ZFHX3: variants seen among roughly 807,000 people sequenced by gnomAD.
ZFHX3 encodes zinc finger homeobox 3.
ZFHX3 carries 42 observed loss-of-function variants against 279.1 expected under a neutral mutation model. The observed-to-expected ratio is 0.15, with a 90% CI of 0.12 to 0.19. The LOEUF is 0.19. Among genes scored for constraint, ZFHX3 ranks in the 10% least tolerant of loss-of-function variants. The pLI is 1.00. For missense variants in ZFHX3, 4,981 were observed against 4,754.0 expected (o/e 1.05, Z -1.40); for synonymous variants, 2,293 against 1,957.8 (o/e 1.17, Z -4.52).
At chr16:73,196,890 C>T (rs934087378) in intron 5 of ZFHX3, among the ~76,000 whole-genome samples, 9 of 152,040 alleles carry the variant, frequency 5.9e-5, no homozygotes, top group African/African-American at 1.9e-4. Context: ...GCAGGGAGCC[C>T]AGGACTCTTG....
intron 1 of ZFHX3, among the ~76,000 whole-genome samples, chr16:73,806,612 G>A (rs1260047296): frequency 6.6e-6 from 1 of 152,150 alleles, no homozygotes; most frequent in Non-Finnish European, 1.5e-5. Context: ...GGGGGGTCAA[G>A]TAAATCAAAT....
chr16:72,823,451 C>A lies in ZFHX3; in HGVS notation c.3529+6328G>T, dbSNP rs767612394. On this transcript the variant is annotated intron_variant, in intron 5 of 9. Coordinates refer to ENST00000268489, the MANE Select transcript of ZFHX3 (RefSeq NM_006885.4). ...GCACCCATGTGAGTCTCCAAGGACT[C>A]CTCTGTTGATGTCCTCATCACACTG... Among the ~76,000 whole-genome samples, 13 of 152,148 alleles carry A rather than the reference C, an allele frequency of 8.5e-5. No individual in the cohort carries two copies. In the East Asian group the frequency reaches 2.5e-3, roughly 29 times the overall value.
intron 1 of ZFHX3, among the ~76,000 whole-genome samples, chr16:73,784,923 C>T (rs1186665093): frequency 2.6e-5 from 4 of 151,542 alleles, no homozygotes; most frequent in Non-Finnish European, 5.9e-5. Context: ...ACACCTAATT[C>T]CTGCTTCCCA....
chr16:73,130,196 G>A (rs555592383), intron 7 of ZFHX3, among the ~76,000 whole-genome samples: 2 of 152,070 alleles, frequency 1.3e-5, no homozygotes, highest in African/African-American at 4.8e-5. Flanking sequence ...GTAAAGTTCC[G>A]AAGGTGAGCT....
intron 1 of ZFHX3, among the ~76,000 whole-genome samples, chr16:73,775,432 C>A (rs1258555598): frequency 2.0e-5 from 3 of 152,128 alleles, no homozygotes; most frequent in Non-Finnish European, 4.4e-5. Context: ...GGGTTTAAAT[C>A]TATCCTCTAT....
chr16:72,851,378 C>T (rs2037613274), intron 4 of ZFHX3, among the ~76,000 whole-genome samples: 1 of 152,198 alleles, frequency 6.6e-6, no homozygotes, highest in Non-Finnish European at 1.5e-5. Context: ...AGGGGCTCTT[C>T]ATCAGCCACT....
At chr16:73,469,029 A>G (rs1042051843) in intron 2 of ZFHX3, among the ~76,000 whole-genome samples, 1 of 152,172 alleles carries the variant, frequency 6.6e-6, no homozygotes, top group Non-Finnish European at 1.5e-5. Flanking sequence ...AGAGATAAGA[A>G]CTGGAGGCTT....
chr16:73,330,493 G>A (rs2015780622), intron 3 of ZFHX3, among the ~76,000 whole-genome samples: 1 of 152,196 alleles, frequency 6.6e-6, no homozygotes, highest in Non-Finnish European at 1.5e-5. Context: ...TGCCACATGG[G>A]GAATGCAATA....
At chr16:73,353,030 T>C (rs1196967150) in intron 3 of ZFHX3, among the ~76,000 whole-genome samples, 1 of 152,156 alleles carries the variant, frequency 6.6e-6, no homozygotes, top group Non-Finnish European at 1.5e-5. Context: ...TGTCTCTGCC[T>C]GCCCCGCCCT....
At chr16:73,103,248 C>T (rs1966253650) in intron 7 of ZFHX3, among the ~76,000 whole-genome samples, 1 of 152,164 alleles carries the variant, frequency 6.6e-6, no homozygotes, top group African/African-American at 2.4e-5. Context: ...AAGGTCTCTA[C>T]TGGCTCCCAT....
At chr16:73,309,414 C>T (rs910265049) in intron 4 of ZFHX3, among the ~76,000 whole-genome samples, 3 of 152,132 alleles carry the variant, frequency 2.0e-5, no homozygotes, top group Non-Finnish European at 4.4e-5. Flanking sequence ...TAATCTCATT[C>T]TTTTTTATGG....
intron 1 of ZFHX3, among the ~76,000 whole-genome samples, chr16:73,008,562 C>T (rs571657304): frequency 6.6e-6 from 1 of 152,236 alleles, no homozygotes; most frequent in East Asian, 1.9e-4. Context: ...GGTCCTGGGG[C>T]ACTGAGAGAT....
At chr16:73,239,591 G>T (rs1159505714) in intron 5 of ZFHX3, among the ~76,000 whole-genome samples, 1 of 152,190 alleles carries the variant, frequency 6.6e-6, no homozygotes, top group East Asian at 1.9e-4. Flanking sequence ...TGAGGTCAGG[G>T]ACTGATTCTT....
Position 73,330,801 on chromosome 16 carries a change from C to T in ZFHX3, c.-1290-12465G>A, listed in dbSNP as rs1014001983. ...AGATACTAAGATAATAGGCTTAAGA[C>T]ATGATGATTTTCCCAGTGGTCTGGC... On this transcript the variant is annotated intron_variant, in intron 3 of 17. Transcript: ENST00000641206. Among the ~76,000 whole-genome samples, 23 of 152,282 alleles carry T rather than the reference C, an allele frequency of 1.5e-4. No homozygotes were observed. The South Asian group carries it at 2.5e-3, about 16-fold the overall frequency.
In ZFHX3 at chr16:73,284,676, A is replaced by G. The variant is rs74030033; in HGVS notation, c.-1193-27540T>C. Among the ~76,000 whole-genome samples, 592 of 152,236 alleles carry G rather than the reference A, an allele frequency of 3.9e-3. 4 individuals are homozygous for G. Among genetic ancestry groups the G allele is most frequent in the Middle Eastern group, 0.027 (8 of 294 alleles). Reference sequence around the variant, plus strand: ...GTTTTGTTTTGCTTTTGTTTTTTGCAATGGTCACATAGTATTCCACTGCAC... The same window carrying G: ...GTTTTGTTTTGCTTTTGTTTTTTGCGATGGTCACATAGTATTCCACTGCAC... On this transcript the variant is annotated intron_variant, in intron 4 of 17. Coordinates refer to the ZFHX3 transcript ENST00000641206.
chr16:73,047,706 G>A (rs1965349309), intron 1 of ZFHX3, 46 bp downstream of exon 1: 1 of 152,634 alleles, frequency 6.6e-6, no homozygotes, highest in Non-Finnish European at 1.5e-5. Context: ...GCACCTGCCC[G>A]CGGCTCCAGG....
intron 3 of ZFHX3, among the ~76,000 whole-genome samples, chr16:73,332,002 G>A (rs913475489): frequency 1.3e-5 from 2 of 152,190 alleles, no homozygotes; most frequent in Non-Finnish European, 2.9e-5. Flanking sequence ...GATCTCTTGA[G>A]ATTCTCTTAC....
rs928080463 is a variant in ZFHX3 at position 72,797,856 on chromosome 16, G to A, written c.4826C>T (p.Ser1609Phe). 4 of 1,614,176 alleles carry A rather than the reference G, an allele frequency of 2.5e-6. No individual in the cohort carries two copies. Among genetic ancestry groups the A allele is most frequent in the Non-Finnish European group, 3.4e-6 (4 of 1,180,044 alleles). Residue 1609 changes from serine (S) to phenylalanine (F), a missense_variant, in exon 9 of 10, where the codon TCC (serine) becomes TTC (phenylalanine). Physicochemically the swap from Ser to Phe is radical, Grantham distance 155. This residue lies in a region of ZFHX3 where 1,751 missense variants were observed against 1,770.0 expected (regional missense o/e 0.99). Transcript: ENST00000268489. ...NTCNVAYSQS[S>F]TLEIHMRSVL... ...AGACCTCATATGGATCTCCAGAGTG[G>A]AACTCTGGCTGTAGGCCACATTACA...
intron 7 of ZFHX3, among the ~76,000 whole-genome samples, chr16:73,100,367 T>C (rs1966215520): frequency 6.6e-6 from 1 of 152,154 alleles, no homozygotes. Flanking sequence ...ACTCAAGAGC[T>C]GAGACGATCT....
Sources: gnomAD v4.1 joint callset for allele counts (sites outside exome capture counted in the v4.1 genomes callset) on GRCh38, gnomAD v4.1.1 for gene constraint, gnomAD v4.1.1 regional missense constraint, MANE v1.5 for transcripts, NCBI Gene and HGNC (gene_info 2026-07-23, HGNC 2026-07-21) for gene names.